PYGL: variants seen among roughly 807,000 people sequenced by gnomAD.
PYGL encodes the protein glycogen phosphorylase L.
Under a neutral mutation model 100.1 loss-of-function variants are expected in PYGL, and 90 were observed. That is an observed-to-expected ratio of 0.90 (90% CI 0.76 to 1.07). The LOEUF (loss-of-function observed/expected upper bound fraction) is 1.07, where lower values mean the gene tolerates loss of function less well. Ranked by LOEUF, PYGL falls within the 50% of genes least tolerant of loss-of-function variation. PYGL has a pLI of 0.00. For synonymous variants in PYGL, 373 were observed against 393.0 expected (o/e 0.95, Z 0.60); for missense variants, 1,016 against 1,057.6 (o/e 0.96, Z 0.55).
chr14:50,920,889 G>A (rs768039822), intron 6 of PYGL, 67 bp downstream of exon 6: 5 of 1,446,348 alleles, frequency 3.5e-6, no homozygotes, highest in Non-Finnish European at 4.9e-6. Context: ...AGCTCAATTT[G>A]GTTCTAACTA....
chr14:50,922,238 T>C (rs2050509076), intron 5 of PYGL, among the ~76,000 whole-genome samples: 1 of 152,176 alleles, frequency 6.6e-6, no homozygotes, highest in African/African-American at 2.4e-5. Context: ...GAGAGAGAAG[T>C]GACTTGCCCA....
At chr14:50,939,582 TAA>T (rs371918661) in intron 1 of PYGL, among the ~76,000 whole-genome samples, 2 of 145,508 alleles carry the variant, frequency 1.4e-5, no homozygotes, top group African/African-American at 5.0e-5. Flanking sequence ...GTTTACTAAT[TAA>T]AAAAAAAAAG....
intron 1 of PYGL, among the ~76,000 whole-genome samples, chr14:50,941,496 A>G (rs2050701544): frequency 6.6e-6 from 1 of 152,236 alleles, no homozygotes; most frequent in Admixed American, 6.5e-5. Flanking sequence ...GGGAACCTAT[A>G]GAAATCAACA....
At chr14:50,940,350 C>T (rs1055618575) in intron 1 of PYGL, among the ~76,000 whole-genome samples, 1 of 152,096 alleles carries the variant, frequency 6.6e-6, no homozygotes, top group Non-Finnish European at 1.5e-5. Context: ...TGAGGTTATA[C>T]CCCCAGGAAT....
At chr14:50,937,106 T>C (rs555027256) in intron 2 of PYGL, among the ~76,000 whole-genome samples, 2 of 152,346 alleles carry the variant, frequency 1.3e-5, no homozygotes, top group Non-Finnish European at 2.9e-5. Flanking sequence ...TCTTTGCAAA[T>C]ACACATTTCT....
chr14:50,924,344 T>C (rs1396589122), intron 4 of PYGL, among the ~76,000 whole-genome samples: 1 of 152,156 alleles, frequency 6.6e-6, no homozygotes, highest in East Asian at 1.9e-4. Flanking sequence ...CTGCTCAAGG[T>C]CAAATAGTAA....
intron 7 of PYGL, 57 bp downstream of exon 7, chr14:50,920,484 G>T: frequency 6.9e-7 from 1 of 1,457,578 alleles, no homozygotes; most frequent in Non-Finnish European, 9.6e-7. Flanking sequence ...TACTGAACAG[G>T]CTCTTGTGAA....
intron 3 of PYGL, 73 bp from the exon 4 acceptor site, chr14:50,931,849 C>T (rs2050603978): frequency 8.5e-7 from 1 of 1,182,756 alleles, no homozygotes. Flanking sequence ...TTCCCTAAAA[C>T]ACATGGCAGC....
intron 1 of PYGL, among the ~76,000 whole-genome samples, chr14:50,938,751 T>C (rs2050678168): frequency 6.6e-6 from 1 of 152,164 alleles, no homozygotes. Context: ...AGCAAACTCA[T>C]CTAAGTAGAT....
At chr14:50,908,110 T>G (rs1285569832) in intron 19 of PYGL, 161 bp downstream of exon 19, 2 of 574,436 alleles carry the variant, frequency 3.5e-6, no homozygotes, top group Non-Finnish European at 6.0e-6. Flanking sequence ...GGTTTTTTTT[T>G]TTGTTGTGGT....
At chr14:50,915,766 TCTGTAACA>T in intron 10 of PYGL, 51 bp downstream of exon 10, 1 of 1,578,484 alleles carries the variant, frequency 6.3e-7, no homozygotes, top group Non-Finnish European at 8.7e-7. Context: ...ACTGTAGCCA[TCTGTAACA>T]CCTTAAGATC....
chr14:50,935,471 T>C (rs1384257350), intron 2 of PYGL, among the ~76,000 whole-genome samples: 3 of 152,208 alleles, frequency 2.0e-5, no homozygotes, highest in Admixed American at 6.5e-5. Flanking sequence ...ATGCCTCAAT[T>C]TTCCTATTTA....
In PYGL at chr14:50,915,331, C is replaced by T; in HGVS notation, c.1403+5G>A. On this transcript the variant is annotated splice_donor_5th_base_variant and intron_variant, in intron 11 of 19. Coordinates refer to ENST00000216392, the MANE Select transcript of PYGL (RefSeq NM_002863.5). ...AGACCCACTGCCAGAGTAATGGAGG[C>T]TCACACTTTAGTCTTCACGATGTCT... 1.2e-6 allele frequency: 2 copies of T among 1,614,074 alleles called. No homozygotes were observed. Among genetic ancestry groups the T allele is most frequent in the African/African-American group, 1.3e-5 (1 of 75,046 alleles).
chr14:50,908,976 G>T, intron 17 of PYGL, 21 bp from the exon 18 acceptor site: 5 of 1,559,812 alleles, frequency 3.2e-6, no homozygotes, highest in South Asian at 1.1e-5. Flanking sequence ...GGGGTGGGTG[G>T]GTGATAAAAA....
chr14:50,906,031 T>C (rs923849846), intron 19 of PYGL, among the ~76,000 whole-genome samples: 1 of 152,250 alleles, frequency 6.6e-6, no homozygotes, highest in Non-Finnish European at 1.5e-5. Context: ...AGAGGCTTTA[T>C]TGACCTACTT....
At position 50,920,549 on chromosome 14, in the gene PYGL, T is replaced by C; in HGVS notation, c.847A>G (p.Asn283Asp). 1 of 1,611,536 alleles carries C rather than the reference T, an allele frequency of 6.2e-7. No homozygotes were observed. The highest frequency in any genetic ancestry group is 1.1e-5 in the South Asian group (1 of 91,042). The change falls in exon 7 of 20, where the codon AAT becomes GAT. Residue 283 changes from asparagine (N) to aspartate (D), a missense_variant. Physicochemically the swap from Asn to Asp is conservative, Grantham distance 23. Transcript: ENST00000216392. ...AENISRVLYP[N>D]DNFFEGKELR... ...CAACCTTGATCACTCACATTGTCAT[T>C]GGGATAGAGGACCCGGGAGATGTTC...
chr14:50,913,346 ATTATTTTTATTTAT>A lies in PYGL; in HGVS notation c.1519-230_1519-217del, dbSNP rs1019796270. 2.5e-4 allele frequency: 64 copies of A among 253,478 alleles called. 6 individuals carry two copies. Among genetic ancestry groups the A allele is most frequent in the African/African-American group, 6.3e-4 (28 of 44,310 alleles). The allele number at this position is 253,478 out of a possible 1,614,324, so 15.7% of individuals were successfully genotyped here. Reference sequence around the variant, plus strand: ...AATGTAGTTTCAGCAGTTTTTAAAAATTATTTTTATTTATTTATTTTTATTTATTTATTCATTTT... The same window carrying A: ...AATGTAGTTTCAGCAGTTTTTAAAAATTATTTTTATTTATTTATTCATTTT... On this transcript the variant is annotated intron_variant, in intron 12 of 19. Transcript: ENST00000216392.
chr14:50,941,740 TGGTGGC>T (rs2050703725), intron 1 of PYGL, among the ~76,000 whole-genome samples: 1 of 152,124 alleles, frequency 6.6e-6, no homozygotes, highest in African/African-American at 2.4e-5. Flanking sequence ...TAGCTGGGCA[TGGTGGC>T]ATGCACCTGT....
At chr14:50,911,047 A>T in intron 16 of PYGL, among the ~76,000 whole-genome samples, 1 of 152,234 alleles carries the variant, frequency 6.6e-6, no homozygotes, top group Admixed American at 6.5e-5. Context: ...GGACCTAAAA[A>T]CACCACAAAA....
Sources: allele counts gnomAD v4.1 joint callset (sites outside exome capture counted in the v4.1 genomes callset), GRCh38; gene constraint gnomAD v4.1.1; transcripts MANE v1.5; gene names NCBI Gene and HGNC (gene_info 2026-07-23, HGNC 2026-07-21).